DOCK4: variants seen among roughly 807,000 people sequenced by gnomAD.
DOCK4 encodes dedicator of cytokinesis 4, also known as dedicator of cytokinesis protein 4.
Under a neutral mutation model 268.1 loss-of-function variants are expected in DOCK4, and 97 were observed. That is an observed-to-expected ratio of 0.36 (90% CI 0.31 to 0.43). The LOEUF (loss-of-function observed/expected upper bound fraction) is 0.43. Among genes scored for constraint, DOCK4 ranks in the 20% least tolerant of loss-of-function variants. DOCK4 has a pLI of 1.00. For synonymous variants in DOCK4, 954 were observed against 887.2 expected (o/e 1.08, Z -1.34); for missense variants, 2,145 against 2,455.7 (o/e 0.87, Z 2.67).
intron 1 of DOCK4, among the ~76,000 whole-genome samples, chr7:112,142,227 G>A (rs1815000671): frequency 6.6e-6 from 1 of 152,150 alleles, no homozygotes; most frequent in African/African-American, 2.4e-5. Context: ...CTAGAAAGTG[G>A]GGCTGGTGGG....
intron 1 of DOCK4, among the ~76,000 whole-genome samples, chr7:112,107,937 T>C (rs893674304): frequency 1.3e-5 from 2 of 152,216 alleles, no homozygotes; most frequent in Non-Finnish European, 2.9e-5. Context: ...TACTAAATTT[T>C]GCAGAGGCAG....
At chr7:111,931,038 G>A (rs570737567) in intron 12 of DOCK4, among the ~76,000 whole-genome samples, 1 of 152,328 alleles carries the variant, frequency 6.6e-6, no homozygotes, top group South Asian at 2.1e-4. Flanking sequence ...AGAGAGACCA[G>A]AGAAACAGAA....
chr7:111,760,993 T>C (rs1055818762), intron 39 of DOCK4, among the ~76,000 whole-genome samples: 18 of 152,134 alleles, frequency 1.2e-4, no homozygotes, highest in Non-Finnish European at 2.2e-4. Flanking sequence ...TTAACTCATA[T>C]AAGCTTGAGA....
chr7:111,902,437 T>C (rs1791222007), intron 13 of DOCK4, among the ~76,000 whole-genome samples: 1 of 152,234 alleles, frequency 6.6e-6, no homozygotes, highest in South Asian at 2.1e-4. Flanking sequence ...TGTACATATA[T>C]ACTGTCGATT....
rs557795676 is a variant in DOCK4, at chr7:112,061,534, A to G, written c.38-57403T>C. Among the ~76,000 whole-genome samples, 166 of 152,186 alleles carry G rather than the reference A, an allele frequency of 1.1e-3. 1 individual carries two copies. The highest frequency in any genetic ancestry group is 3.9e-3 in the African/African-American group (161 of 41,512). On this transcript the variant is annotated intron_variant, in intron 1 of 52. Transcript: ENST00000428084. ...CATGTCTTTCTGTCACCCGCTTTCT[A>G]ACACTCCATCCTTACATTTAATATG... is the stretch of plus-strand genomic sequence containing the variant.
At chr7:112,158,277 C>T (rs955303494) in intron 1 of DOCK4, among the ~76,000 whole-genome samples, 1 of 152,196 alleles carries the variant, frequency 6.6e-6, no homozygotes, top group African/African-American at 2.4e-5. Context: ...GGACTTGGTA[C>T]TACTCATGGT....
At chr7:112,107,377 G>A (rs1811227701) in intron 1 of DOCK4, among the ~76,000 whole-genome samples, 1 of 152,212 alleles carries the variant, frequency 6.6e-6, no homozygotes, top group South Asian at 2.1e-4. Flanking sequence ...CTTCTAAGAA[G>A]AGGAAAAGAC....
chr7:112,100,156 A>G (rs1442631469), intron 1 of DOCK4, among the ~76,000 whole-genome samples: 2 of 152,232 alleles, frequency 1.3e-5, no homozygotes, highest in African/African-American at 4.8e-5. Context: ...TATATTACGC[A>G]TGAAGCATTT....
At chr7:111,879,664 C>T (rs773524022) in intron 16 of DOCK4, among the ~76,000 whole-genome samples, 8 of 151,856 alleles carry the variant, frequency 5.3e-5, no homozygotes, top group Non-Finnish European at 8.8e-5. Context: ...GAGGAAACTC[C>T]GAGAAATTCA....
intron 1 of DOCK4, among the ~76,000 whole-genome samples, chr7:112,052,729 A>G (rs893295968): frequency 1.5e-4 from 23 of 152,102 alleles, no homozygotes; most frequent in Non-Finnish European, 2.9e-5. Context: ...CTGGGCTTGT[A>G]CATCCACTCC....
In DOCK4 at chr7:111,947,433, A is replaced by G. The variant is rs76276459; in HGVS notation, c.702-1635T>C. On this transcript the variant is annotated intron_variant, in intron 8 of 52. Coordinates refer to ENST00000428084, the MANE Select transcript of DOCK4 (RefSeq NM_001363540.2). ...TCATATGAGAAAGGGCAGCCAATAC[A>G]TATTTCTATGGGGTCATTTTCACTC... is the stretch of plus-strand genomic sequence containing the variant. Among the ~76,000 whole-genome samples the G allele has an allele frequency of 9.4e-3, 1,430 of 152,114 alleles. 22 individuals are homozygous for G. The highest frequency in any genetic ancestry group is 0.033 in the African/African-American group (1,379 of 41,374).
At chr7:112,136,543 A>G (rs931459208) in intron 1 of DOCK4, among the ~76,000 whole-genome samples, 2 of 152,254 alleles carry the variant, frequency 1.3e-5, no homozygotes, top group African/African-American at 4.8e-5. Flanking sequence ...TGTGGCAAAC[A>G]GAATTGTGTC....
intron 7 of DOCK4, among the ~76,000 whole-genome samples, chr7:111,977,681 T>C (rs756383371): frequency 7.9e-5 from 12 of 152,184 alleles, no homozygotes; most frequent in Non-Finnish European, 1.3e-4. Context: ...ACTCCCAAGA[T>C]GAGAACAAAT....
intron 26 of DOCK4, among the ~76,000 whole-genome samples, chr7:111,831,337 C>A (rs1332169042): frequency 6.6e-6 from 1 of 152,168 alleles, no homozygotes; most frequent in Non-Finnish European, 1.5e-5. Context: ...GCCAATTCAA[C>A]TTCCTAAATG....
At chr7:111,873,578 C>T (rs1325251369) in intron 17 of DOCK4, among the ~76,000 whole-genome samples, 2 of 151,886 alleles carry the variant, frequency 1.3e-5, no homozygotes, top group Admixed American at 6.6e-5. Flanking sequence ...TAGCAGAAAC[C>T]CAAAAGGGAC....
intron 1 of DOCK4, among the ~76,000 whole-genome samples, chr7:112,189,871 C>T (rs1819792293): frequency 6.6e-6 from 1 of 151,432 alleles, no homozygotes; most frequent in South Asian, 2.1e-4. Context: ...CATGAGTCAC[C>T]ACACCCGGCT....
At chr7:111,863,121 A>ACAC (rs2134185716) in intron 23 of DOCK4, 1 of 463,310 alleles carries the variant, frequency 2.2e-6, no homozygotes, top group African/African-American at 2.0e-5. Flanking sequence ...AGCATCTCTG[A>ACAC]AGGAGTGTTA....
intron 26 of DOCK4, among the ~76,000 whole-genome samples, chr7:111,833,781 T>C (rs1252884005): frequency 6.6e-6 from 1 of 152,148 alleles, no homozygotes; most frequent in Non-Finnish European, 1.5e-5. Context: ...AACAATTTCT[T>C]CCCCTAAGGC....
intron 1 of DOCK4, among the ~76,000 whole-genome samples, chr7:112,203,684 T>G (rs1821141685): frequency 6.6e-6 from 1 of 152,146 alleles, no homozygotes. Context: ...CTTTAACATC[T>G]GTAAGAACTA....
Sources: allele counts gnomAD v4.1 joint callset (sites outside exome capture counted in the v4.1 genomes callset), GRCh38; gene constraint gnomAD v4.1.1; transcripts MANE v1.5; gene names NCBI Gene and HGNC (gene_info 2026-07-23, HGNC 2026-07-21).